ITCH: variants seen among roughly 807,000 people sequenced by gnomAD.
The protein encoded by ITCH is E3 ubiquitin-protein ligase Itchy homolog.
In ITCH, 28 loss-of-function variants were observed where a neutral mutation model predicts 126.8. The ratio of observed to expected loss-of-function variants is 0.22; its 90% CI spans 0.16 to 0.30. The LOEUF (loss-of-function observed/expected upper bound fraction) is 0.30. Among genes scored for constraint, ITCH ranks in the 10% least tolerant of loss-of-function variants. ITCH has a pLI of 1.00. For missense variants in ITCH, 631 were observed against 1,032.4 expected (o/e 0.61, Z 5.33); for synonymous variants, 342 against 340.0 (o/e 1.01, Z -0.06).
At chr20:34,399,949 T>G (rs888406976) in intron 3 of ITCH, among the ~76,000 whole-genome samples, 1 of 151,286 alleles carries the variant, frequency 6.6e-6, no homozygotes, top group Non-Finnish European at 1.5e-5. Flanking sequence ...GTGTTTTTGT[T>G]TTTTTTTTAA....
chr20:34,428,566 CTT>C (rs995860782), intron 7 of ITCH, among the ~76,000 whole-genome samples: 1 of 151,466 alleles, frequency 6.6e-6, no homozygotes, highest in African/African-American at 2.4e-5. Flanking sequence ...GATGTGCGTT[CTT>C]TTTTTTTGTT....
chr20:34,368,501 G>A (rs1454932453), intron 1 of ITCH, among the ~76,000 whole-genome samples: 1 of 151,780 alleles, frequency 6.6e-6, no homozygotes, highest in African/African-American at 2.4e-5. Context: ...TGACTTTTAT[G>A]GCTGTAAATG....
chr20:34,503,953 G>A (rs1305761852), intron 23 of ITCH, among the ~76,000 whole-genome samples: 1 of 143,850 alleles, frequency 7.0e-6, no homozygotes, highest in African/African-American at 2.6e-5. Context: ...GCAATCTTGA[G>A]TCACTGCAAC....
intron 6 of ITCH, chr20:34,417,313 C>T: frequency 1.2e-4 from 48 of 397,156 alleles, no homozygotes; most frequent in Non-Finnish European, 1.5e-4. Flanking sequence ...GCCAGGCTGG[C>T]TTTGAACTCC....
chr20:34,383,928 T>C (rs1260417429), intron 2 of ITCH, among the ~76,000 whole-genome samples: 1 of 138,800 alleles, frequency 7.2e-6, no homozygotes, highest in African/African-American at 2.7e-5. Flanking sequence ...CGTCGCAACC[T>C]CTGCCTCCTG....
chr20:34,367,807 G>A (rs1054401510), intron 1 of ITCH, among the ~76,000 whole-genome samples: 18 of 152,114 alleles, frequency 1.2e-4, no homozygotes, highest in African/African-American at 4.3e-4. Context: ...CTCTGGGACT[G>A]GTATTCTCTG....
intron 7 of ITCH, among the ~76,000 whole-genome samples, chr20:34,426,539 G>A (rs1268071677): frequency 2.7e-5 from 4 of 150,336 alleles, no homozygotes; most frequent in African/African-American, 4.9e-5. Flanking sequence ...TCCATCTCCC[G>A]GGTTCAAGCG....
chr20:34,444,075 G>A (rs1984120571), intron 10 of ITCH, among the ~76,000 whole-genome samples: 1 of 152,096 alleles, frequency 6.6e-6, no homozygotes, highest in African/African-American at 2.4e-5. Flanking sequence ...TTCAAAGGAA[G>A]AAACAGTTTG....
At chr20:34,400,344 G>A (rs2038831556) in intron 3 of ITCH, among the ~76,000 whole-genome samples, 1 of 152,080 alleles carries the variant, frequency 6.6e-6, no homozygotes, top group Admixed American at 6.6e-5. Flanking sequence ...TGGAATTATA[G>A]GCCTGAGCCA....
At chr20:34,481,603 C>T (rs1358391113) in intron 20 of ITCH, among the ~76,000 whole-genome samples, 1 of 152,130 alleles carries the variant, frequency 6.6e-6, no homozygotes, top group Non-Finnish European at 1.5e-5. Flanking sequence ...CTTACAGTTC[C>T]ACGAGGGTGG....
intron 11 of ITCH, among the ~76,000 whole-genome samples, chr20:34,445,708 G>C (rs1027393474): frequency 2.0e-5 from 3 of 151,940 alleles, no homozygotes; most frequent in African/African-American, 7.3e-5. Flanking sequence ...AAATAAGTTA[G>C]GACAACTTAA....
At position 34,479,826 on chromosome 20, in the gene ITCH, T is replaced by A. The variant is rs202090189; in HGVS notation, c.1818+37T>A. ...TCAAGAATTATGTTTACTTTGCTTA[T>A]TCAGCAATACTAAATTTTCTCTTAG... is the stretch of plus-strand genomic sequence containing the variant. On this transcript the variant is annotated intron_variant, in intron 18 of 24. Coordinates refer to ENST00000374864, the MANE Select transcript of ITCH (RefSeq NM_031483.7). The A allele has an allele frequency of 6.9e-6, 11 of 1,585,918 alleles. No individual in the cohort carries two copies. In the East Asian group the frequency reaches 2.0e-4, roughly 29 times the overall value.
chr20:34,424,403 A>G (rs576427830), intron 6 of ITCH, 77 bp from the exon 7 acceptor site: 18 of 1,041,002 alleles, frequency 1.7e-5, no homozygotes, highest in Admixed American at 1.4e-4. Context: ...CTTTGCTTAC[A>G]TGGCATGTTT....
At chr20:34,383,739 G>A (rs1454423041) in intron 2 of ITCH, among the ~76,000 whole-genome samples, 1 of 151,216 alleles carries the variant, frequency 6.6e-6, no homozygotes, top group Non-Finnish European at 1.5e-5. Flanking sequence ...GGTTGGCCAG[G>A]TTGGTCTCGG....
intron 14 of ITCH, among the ~76,000 whole-genome samples, chr20:34,467,522 C>CAA (rs952002079): frequency 2.9e-5 from 2 of 68,292 alleles, no homozygotes; most frequent in Admixed American, 1.7e-4. Flanking sequence ...GACCCTGTCT[C>CAA]AAAAAAAAAA....
intron 12 of ITCH, among the ~76,000 whole-genome samples, chr20:34,452,166 G>T (rs1021641098): frequency 6.6e-6 from 1 of 151,986 alleles, no homozygotes; most frequent in African/African-American, 2.4e-5. Context: ...TCTAGGGCAG[G>T]TGTAGAAAAA....
rs548654341 is a variant in ITCH at position 34,425,738 on chromosome 20, C to T, written c.521+1213C>T. On this transcript the variant is annotated intron_variant, in intron 7 of 24. Transcript: ENST00000374864. The stretch of plus-strand genomic sequence containing the variant: ...ACAGATTCCTTTGCTCACATTTTTC[C>T]CTGCTGACCTTCTCCCCACCATCAC... Among the ~76,000 whole-genome samples the T allele has an allele frequency of 9.2e-5, 14 of 152,254 alleles. No homozygotes were observed. In the South Asian group the frequency reaches 2.7e-3, roughly 29 times the overall value.
At chr20:34,397,114 C>T (rs1413155232) in intron 3 of ITCH, among the ~76,000 whole-genome samples, 1 of 152,070 alleles carries the variant, frequency 6.6e-6, no homozygotes, top group Non-Finnish European at 1.5e-5. Flanking sequence ...ACCTCCGCCT[C>T]CCAGGTTCAA....
In ITCH at chr20:34,509,020, A is replaced by T. The variant is rs1978475473; in HGVS notation, c.*1226A>T. On this transcript the variant is annotated 3_prime_UTR_variant, in exon 25 of 25. Transcript: ENST00000374864. The stretch of plus-strand genomic sequence containing the variant: ...AGTCTTCAAAGTTATCATTTCTCTG[A>T]CATATGTTGGAGTAGTCATTTCCAT... 5 of 152,510 alleles carry T rather than the reference A, an allele frequency of 3.3e-5. No homozygotes were observed. Among genetic ancestry groups the T allele is most frequent in the Admixed American group, 3.3e-4 (5 of 15,274 alleles). The allele number at this position is 152,510 out of a possible 1,614,324, so 9.4% of individuals were successfully genotyped here. A position where few individuals can be genotyped will look rare whatever the true frequency, so the allele number is the denominator to read the frequency against.
Sources: gnomAD v4.1 joint callset for allele counts (sites outside exome capture counted in the v4.1 genomes callset) on GRCh38, gnomAD v4.1.1 for gene constraint, MANE v1.5 for transcripts, NCBI Gene and HGNC (gene_info 2026-07-23, HGNC 2026-07-21) for gene names.